Variants in KLHDC10 observed in about 807,000 individuals in gnomAD.
KLHDC10 encodes the protein kelch domain-containing protein 10.
Under a neutral mutation model 56.1 loss-of-function variants are expected in KLHDC10, and 24 were observed. The observed-to-expected ratio is 0.43, with a 90% CI of 0.31 to 0.60. The LOEUF (loss-of-function observed/expected upper bound fraction) is 0.60. Among genes scored for constraint, KLHDC10 ranks in the 20% least tolerant of loss-of-function variants. KLHDC10 has a pLI of 0.11. For synonymous variants in KLHDC10, 188 were observed against 207.1 expected, an observed-to-expected ratio of 0.91 and a Z score of 0.79; for missense variants, 349 against 567.0, an observed-to-expected ratio of 0.62 and a Z score of 3.91.
chr7:130,099,432 C>A (rs187045731), intron 2 of KLHDC10, among the ~76,000 whole-genome samples: 1 of 152,220 alleles, frequency 6.6e-6, no homozygotes, highest in East Asian at 1.9e-4. Flanking sequence ...GGTAAGTGTT[C>A]TGATGAGGTA....
In KLHDC10 at chr7:130,130,042, C is replaced by A. The variant is rs533726058; in HGVS notation, c.1119+466C>A. 1.3e-5 allele frequency among the ~76,000 whole-genome samples: 2 copies of A among 151,934 alleles called. No homozygotes were observed. Among genetic ancestry groups the A allele is most frequent in the East Asian group, 1.9e-4 (1 of 5,178 alleles). ...AAAAAATTCATATATATAGGCCGGG[C>A]GCGGTGGCTCAGGCCTGTAATCCCA... is the stretch of plus-strand genomic sequence containing the variant. On this transcript the variant is annotated intron_variant, in intron 9 of 9. Transcript: ENST00000335420. The surrounding 1 kb of genome is among the most constrained non-coding windows in gnomAD (Gnocchi z 4.2).
At chr7:130,105,064 C>T (rs1429780908) in intron 2 of KLHDC10, among the ~76,000 whole-genome samples, 4 of 152,156 alleles carry the variant, frequency 2.6e-5, no homozygotes, top group African/African-American at 9.7e-5. Context: ...TCTACAAACT[C>T]ACAGGAATTG....
rs1563096303 is a variant in KLHDC10, at chr7:130,079,841, G to GCTTCCTCCTTCCCTCCCTTCCTCCCTTT, written c.166+9041_166+9068dup. 2.4e-4 allele frequency among the ~76,000 whole-genome samples: 26 copies of GCTTCCTCCTTCCCTCCCTTCCTCCCTTT among 106,460 alleles called. 2 individuals carry two copies. Among genetic ancestry groups the GCTTCCTCCTTCCCTCCCTTCCTCCCTTT allele is most frequent in the African/African-American group, 9.4e-4 (24 of 25,574 alleles). 69.8% of individuals were successfully genotyped at this position (106,460 alleles called of 152,430 possible). Reference sequence around the variant, plus strand: ...CCCTTGCTCCCTGCCTCCCTTTCTCGCTTCCTCCTTCCCTCCCTTCCTCCC... The same window carrying GCTTCCTCCTTCCCTCCCTTCCTCCCTTT: ...CCCTTGCTCCCTGCCTCCCTTTCTCGCTTCCTCCTTCCCTCCCTTCCTCCCTTTCTTCCTCCTTCCCTCCCTTCCTCCC... On this transcript the variant is annotated intron_variant, in intron 1 of 9. Transcript: ENST00000335420.
At chr7:130,084,092 T>C (rs1795648272) in intron 1 of KLHDC10, among the ~76,000 whole-genome samples, 1 of 152,200 alleles carries the variant, frequency 6.6e-6, no homozygotes, top group South Asian at 2.1e-4. Context: ...CCAAATCTCT[T>C]TTGAGGGCCA....
At chr7:130,112,541 T>TG (rs1422711477) in intron 2 of KLHDC10, among the ~76,000 whole-genome samples, 1 of 152,128 alleles carries the variant, frequency 6.6e-6, no homozygotes, top group Non-Finnish European at 1.5e-5. Context: ...ATGGAGAAGT[T>TG]GGGGGAGGAT....
At chr7:130,077,331 G>T (rs2116837027) in intron 1 of KLHDC10, among the ~76,000 whole-genome samples, 1 of 103,820 alleles carries the variant, frequency 9.6e-6, no homozygotes, top group South Asian at 3.6e-4. Flanking sequence ...TCCAGCCTGG[G>T]TGACTGAACA....
chr7:130,101,753 G>A (rs1795932857), intron 2 of KLHDC10, among the ~76,000 whole-genome samples: 1 of 152,000 alleles, frequency 6.6e-6, no homozygotes. Flanking sequence ...GGCAGATCAC[G>A]AGGTCAGGAG....
chr7:130,108,925 C>CT (rs927819729), intron 2 of KLHDC10, among the ~76,000 whole-genome samples: 1 of 151,840 alleles, frequency 6.6e-6, no homozygotes, highest in African/African-American at 2.4e-5. Flanking sequence ...CTCTCTCTCT[C>CT]TTTTTTTGAG....
chr7:130,124,144 C>G (rs1175721384), intron 5 of KLHDC10, among the ~76,000 whole-genome samples: 2 of 152,068 alleles, frequency 1.3e-5, no homozygotes, highest in Non-Finnish European at 2.9e-5. Context: ...GGATGATATC[C>G]TAATAGCCAT....
chr7:130,089,598 C>T (rs1402249470), intron 1 of KLHDC10, among the ~76,000 whole-genome samples: 2 of 152,114 alleles, frequency 1.3e-5, no homozygotes, highest in Non-Finnish European at 2.9e-5. Context: ...CAATGTATGC[C>T]ATTGTGAAAT....
At chr7:130,125,168 A>C (rs1796298070) in intron 6 of KLHDC10, among the ~76,000 whole-genome samples, 1 of 152,250 alleles carries the variant, frequency 6.6e-6, no homozygotes, top group African/African-American at 2.4e-5. Flanking sequence ...GAAGTTGCAG[A>C]ACAACATATA....
chr7:130,072,164 G>T (rs2116825570), intron 1 of KLHDC10, among the ~76,000 whole-genome samples: 1 of 152,202 alleles, frequency 6.6e-6, no homozygotes, highest in East Asian at 1.9e-4. Context: ...TTAGATTTTT[G>T]TGTATTGGCA....
chr7:130,080,980 ATTTG>A (rs1795596011), intron 1 of KLHDC10, among the ~76,000 whole-genome samples: 1 of 144,614 alleles, frequency 6.9e-6, no homozygotes, highest in Admixed American at 6.8e-5. Context: ...TTTTTTATTA[ATTTG>A]TTTCTTTCAG....
intron 1 of KLHDC10, among the ~76,000 whole-genome samples, chr7:130,075,663 T>G (rs2116833410): frequency 6.6e-6 from 1 of 152,330 alleles, no homozygotes; most frequent in South Asian, 2.1e-4. Context: ...GAGAGAGTCT[T>G]TCTTTAGGAT....
intron 2 of KLHDC10, among the ~76,000 whole-genome samples, chr7:130,103,250 C>G (rs1393259802): frequency 6.6e-6 from 1 of 151,966 alleles, no homozygotes; most frequent in East Asian, 1.9e-4. Flanking sequence ...ATGGTGAAAC[C>G]CTGTCTCTGC....
chr7:130,126,040 T>C, intron 7 of KLHDC10, 109 bp downstream of exon 7: 1 of 797,788 alleles, frequency 1.3e-6, no homozygotes, highest in South Asian at 1.9e-5. Flanking sequence ...GTTAAATACC[T>C]GTTGGGCTGG....
At chr7:130,093,589 A>C (rs1235027833) in intron 1 of KLHDC10, among the ~76,000 whole-genome samples, 1 of 152,196 alleles carries the variant, frequency 6.6e-6, no homozygotes, top group African/African-American at 2.4e-5. Context: ...AATATATAAA[A>C]ATTAAAACTC....
intron 1 of KLHDC10, among the ~76,000 whole-genome samples, chr7:130,079,838 C>T (rs1010108169): frequency 3.0e-5 from 4 of 135,550 alleles, no homozygotes; most frequent in African/African-American, 1.1e-4. Flanking sequence ...GCCTCCCTTT[C>T]TCGCTTCCTC....
chr7:130,130,914 T>C lies in KLHDC10; in HGVS notation c.*168T>C, dbSNP rs941994532. The C allele has an allele frequency of 3.2e-6, 2 of 624,722 alleles. No homozygotes were observed. The highest frequency in any genetic ancestry group is 3.7e-5 in the African/African-American group (2 of 54,260). The allele number at this position is 624,722 out of a possible 1,614,324, so 38.7% of individuals were successfully genotyped here. ...AAATTGGTTTTTCAGTTTATGGACA[T>C]CTCACTTTCCCACGTGCTTCCTTCT... On this transcript the variant is annotated 3_prime_UTR_variant, in exon 10 of 10. Coordinates refer to ENST00000335420, the MANE Select transcript of KLHDC10 (RefSeq NM_014997.4). This position sits in a 1 kb window ranked among gnomAD's most constrained non-coding sequence, Gnocchi z 4.2.
Sources: gnomAD v4.1 joint callset for allele counts (sites outside exome capture counted in the v4.1 genomes callset) on GRCh38, gnomAD v4.1.1 for gene constraint, Gnocchi (gnomAD v3.1) non-coding constraint, MANE v1.5 for transcripts, NCBI Gene and HGNC (gene_info 2026-07-23, HGNC 2026-07-21) for gene names.